PABPC4L: variants seen among roughly 807,000 people sequenced by gnomAD.
The protein encoded by PABPC4L is poly(A) binding protein cytoplasmic 4 like, also known as polyadenylate-binding protein 4-like.
For missense variants in PABPC4L, 452 were observed against 451.4 expected (o/e 1.00, Z -0.01); for synonymous variants, 169 against 164.1 (o/e 1.03, Z -0.23).
At chr4:134,024,176 GT>G in the PABPC4L span, among the ~76,000 whole-genome samples, 3 of 151,978 alleles carry the variant, frequency 2.0e-5, no homozygotes, top group Admixed American at 1.3e-4. Context: ...TCTCTCTTAG[GT>G]TTGAATTCTT....
At chr4:134,033,010 C>T in the PABPC4L span, among the ~76,000 whole-genome samples, 2 of 138,696 alleles carry the variant, frequency 1.4e-5, no homozygotes, top group African/African-American at 2.7e-5. Flanking sequence ...TATTGCATGA[C>T]ACAAGTATCC....
chr4:134,152,399 T>C, the PABPC4L span, among the ~76,000 whole-genome samples: 2 of 152,160 alleles, frequency 1.3e-5, no homozygotes, highest in Non-Finnish European at 2.9e-5. Context: ...AAATTGACTG[T>C]TGAAAATTAA....
the PABPC4L span, among the ~76,000 whole-genome samples, chr4:134,053,531 CTAAA>C: frequency 6.6e-6 from 1 of 152,182 alleles, no homozygotes; most frequent in South Asian, 2.1e-4. Flanking sequence ...AGCCTACCAC[CTAAA>C]TATTTAGGAA....
chr4:134,025,322 A>C, the PABPC4L span, among the ~76,000 whole-genome samples: 3 of 150,760 alleles, frequency 2.0e-5, no homozygotes, highest in African/African-American at 7.3e-5. Flanking sequence ...AAAAAAAAAA[A>C]AAAAAAAAGA....
chr4:134,138,960 T>C, the PABPC4L span, among the ~76,000 whole-genome samples: 2 of 151,764 alleles, frequency 1.3e-5, no homozygotes, highest in Admixed American at 6.6e-5. Flanking sequence ...AATAAGAAAA[T>C]AGGTTTCACT....
the PABPC4L span, among the ~76,000 whole-genome samples, chr4:134,172,314 C>T: frequency 2.0e-5 from 3 of 151,926 alleles, no homozygotes; most frequent in Non-Finnish European, 4.4e-5. Flanking sequence ...GGTACAAAAA[C>T]AGACATATAG....
chr4:134,091,667 G>T, the PABPC4L span, among the ~76,000 whole-genome samples: 1 of 151,602 alleles, frequency 6.6e-6, no homozygotes, highest in African/African-American at 2.4e-5. Flanking sequence ...TATAAATATA[G>T]ATAAATACAT....
the PABPC4L span, among the ~76,000 whole-genome samples, chr4:134,147,268 AT>A: frequency 1.3e-5 from 2 of 152,046 alleles, no homozygotes; most frequent in African/African-American, 4.8e-5. Flanking sequence ...GTCAATTTTA[AT>A]TTTTTAAATG....
At chr4:134,158,944 C>T in the PABPC4L span, among the ~76,000 whole-genome samples, 1 of 152,208 alleles carries the variant, frequency 6.6e-6, no homozygotes, top group South Asian at 2.1e-4. Context: ...ATATTGAATA[C>T]TTGTAGGTAA....
the PABPC4L span, among the ~76,000 whole-genome samples, chr4:134,024,601 A>G: frequency 6.6e-6 from 1 of 151,918 alleles, no homozygotes; most frequent in Non-Finnish European, 1.5e-5. Context: ...TTTAACTTTA[A>G]TTTCCTTTTT....
chr4:133,986,042 T>C, the PABPC4L span, among the ~76,000 whole-genome samples: 13 of 152,220 alleles, frequency 8.5e-5, 1 homozygote, highest in Non-Finnish European at 1.8e-4. Flanking sequence ...TAAACTCTTA[T>C]ATAATCATTA....
the PABPC4L span, among the ~76,000 whole-genome samples, chr4:134,118,809 A>G: frequency 8.6e-5 from 13 of 151,796 alleles, no homozygotes; most frequent in Non-Finnish European, 1.6e-4. Context: ...GACATTTACC[A>G]TCTGCTTTTA....
At chr4:134,057,041 G>GATAA in the PABPC4L span, among the ~76,000 whole-genome samples, 1 of 152,030 alleles carries the variant, frequency 6.6e-6, no homozygotes, top group Admixed American at 6.6e-5. Flanking sequence ...TTATCAAGAT[G>GATAA]AGTTAGTTAT....
At chr4:134,108,252 A>G in the PABPC4L span, among the ~76,000 whole-genome samples, 2 of 151,744 alleles carry the variant, frequency 1.3e-5, no homozygotes, top group Non-Finnish European at 3.0e-5. Context: ...AATGTTCCAT[A>G]CTTCAATTAA....
At chr4:133,989,737 G>T in the PABPC4L span, among the ~76,000 whole-genome samples, 1 of 151,996 alleles carries the variant, frequency 6.6e-6, no homozygotes, top group Non-Finnish European at 1.5e-5. Flanking sequence ...TTTTAAAGCA[G>T]TACCCCACTC....
the PABPC4L span, among the ~76,000 whole-genome samples, chr4:134,148,832 A>G: frequency 1.4e-5 from 2 of 144,410 alleles, no homozygotes; most frequent in Non-Finnish European, 3.0e-5. Context: ...GAATGACATA[A>G]GGAGCTCAAA....
At chr4:134,118,751 T>C in the PABPC4L span, among the ~76,000 whole-genome samples, 1 of 151,832 alleles carries the variant, frequency 6.6e-6, no homozygotes, top group Non-Finnish European at 1.5e-5. Flanking sequence ...TTCAAAAGTA[T>C]ATTCCCTAGT....
chr4:134,155,355 C>A, the PABPC4L span, among the ~76,000 whole-genome samples: 3 of 151,020 alleles, frequency 2.0e-5, no homozygotes, highest in Non-Finnish European at 3.0e-5. Flanking sequence ...TTCTTTCTCT[C>A]CCCCAACACA....
At chr4:134,073,127 A>T in the PABPC4L span, among the ~76,000 whole-genome samples, 2 of 152,182 alleles carry the variant, frequency 1.3e-5, no homozygotes, top group Non-Finnish European at 2.9e-5. Context: ...TTAACTTAAA[A>T]GTCCAAGTCC....
Sources: gnomAD v4.1 joint callset for allele counts (sites outside exome capture counted in the v4.1 genomes callset) on GRCh38, gnomAD v4.1.1 for gene constraint, MANE v1.5 for transcripts, NCBI Gene and HGNC (gene_info 2026-07-23, HGNC 2026-07-21) for gene names.